FNBP1L: variants seen among roughly 807,000 people sequenced by gnomAD.
FNBP1L encodes the protein formin-binding protein 1-like.
In FNBP1L, 36 loss-of-function variants were observed where a neutral mutation model predicts 91.2. That is an observed-to-expected ratio of 0.39 (90% CI 0.30 to 0.52). The LOEUF is 0.52. Among genes scored for constraint, FNBP1L ranks in the 20% least tolerant of loss-of-function variants. FNBP1L has a pLI of 0.66. For missense variants in FNBP1L, 571 were observed against 732.1 expected (o/e 0.78, Z 2.54); for synonymous variants, 242 against 237.0 (o/e 1.02, Z -0.19).
intron 1 of FNBP1L, among the ~76,000 whole-genome samples, chr1:93,480,620 CTG>C (rs936284702): frequency 6.6e-6 from 1 of 151,314 alleles, no homozygotes; most frequent in Non-Finnish European, 1.5e-5. Flanking sequence ...GAGAGGGACT[CTG>C]TCGCCCAGGC....
At chr1:93,494,286 C>CTTAAATCTTTCCAA (rs1670193113) in intron 1 of FNBP1L, among the ~76,000 whole-genome samples, 2 of 152,170 alleles carry the variant, frequency 1.3e-5, no homozygotes, top group South Asian at 4.2e-4. Context: ...TTGGAAAGAC[C>CTTAAATCTTTCCAA]CAGGGTGCAT....
chr1:93,544,772 G>A (rs997809847), intron 12 of FNBP1L, among the ~76,000 whole-genome samples: 4 of 152,112 alleles, frequency 2.6e-5, no homozygotes, highest in African/African-American at 9.7e-5. Context: ...CGATAAAATT[G>A]GGGCTTAAAT....
At chr1:93,505,138 T>C (rs1210439911) in intron 2 of FNBP1L, among the ~76,000 whole-genome samples, 1 of 136,844 alleles carries the variant, frequency 7.3e-6, no homozygotes, top group African/African-American at 2.9e-5. Context: ...TGAGACAGAG[T>C]CTCACTCTTG....
At chr1:93,470,689 A>G (rs980868627) in intron 1 of FNBP1L, among the ~76,000 whole-genome samples, 4 of 152,074 alleles carry the variant, frequency 2.6e-5, no homozygotes, top group Non-Finnish European at 4.4e-5. Flanking sequence ...CCTGGCCAAC[A>G]TGGTGAAACC....
intron 15 of FNBP1L, 93 bp downstream of exon 15, chr1:93,549,519 A>T (rs969423472): frequency 2.4e-5 from 24 of 987,082 alleles, no homozygotes; most frequent in African/African-American, 3.3e-5. Context: ...TATTTAAGTA[A>T]TATATGTTGT....
chr1:93,511,287 T>A (rs1050683147), intron 2 of FNBP1L, among the ~76,000 whole-genome samples: 3 of 151,812 alleles, frequency 2.0e-5, no homozygotes, highest in Non-Finnish European at 1.5e-5. Context: ...CAGAAGAGAG[T>A]GGGGGACAAT....
intron 2 of FNBP1L, among the ~76,000 whole-genome samples, chr1:93,509,619 G>A (rs1436069396): frequency 9.2e-5 from 14 of 152,228 alleles, no homozygotes; most frequent in Non-Finnish European, 8.8e-5. Context: ...CAAGATGGCC[G>A]AATAGGAACA....
At chr1:93,519,318 G>T (rs940555422) in intron 2 of FNBP1L, among the ~76,000 whole-genome samples, 7 of 152,128 alleles carry the variant, frequency 4.6e-5, no homozygotes, top group Non-Finnish European at 1.0e-4. Flanking sequence ...GTTCTTAAAT[G>T]CTCTGTTTTT....
intron 2 of FNBP1L, among the ~76,000 whole-genome samples, chr1:93,517,966 G>C (rs565787767): frequency 6.6e-6 from 1 of 152,304 alleles, no homozygotes; most frequent in South Asian, 2.1e-4. Context: ...GTTGTTGTAA[G>C]CATAAGATTA....
chr1:93,457,746 T>G (rs1668716111), intron 1 of FNBP1L, among the ~76,000 whole-genome samples: 1 of 151,210 alleles, frequency 6.6e-6, no homozygotes, highest in South Asian at 2.1e-4. Flanking sequence ...CAGGAATTTA[T>G]TTTTTATTTT....
At chr1:93,498,457 G>A (rs1164125806) in intron 1 of FNBP1L, among the ~76,000 whole-genome samples, 1 of 152,198 alleles carries the variant, frequency 6.6e-6, no homozygotes, top group Non-Finnish European at 1.5e-5. Context: ...AGAATAGAGT[G>A]GTAACTTGCT....
chr1:93,476,812 A>G (rs1217758856), intron 1 of FNBP1L, among the ~76,000 whole-genome samples: 1 of 152,190 alleles, frequency 6.6e-6, no homozygotes, highest in Admixed American at 6.5e-5. Context: ...TTGTAGCCAG[A>G]GCAAAACAGA....
chr1:93,486,895 A>G (rs1250482751), intron 1 of FNBP1L, among the ~76,000 whole-genome samples: 3 of 152,064 alleles, frequency 2.0e-5, no homozygotes, highest in African/African-American at 7.2e-5. Context: ...AAATCATATT[A>G]TTTCTTTTAT....
intron 10 of FNBP1L, 49 bp downstream of exon 10, chr1:93,536,539 G>A (rs1206707784): frequency 1.4e-6 from 2 of 1,479,024 alleles, no homozygotes; most frequent in Admixed American, 4.7e-5. Flanking sequence ...TGTGTGTGTA[G>A]TGTGGCTTTT....
At chr1:93,457,351 C>G (rs1376856215) in intron 1 of FNBP1L, among the ~76,000 whole-genome samples, 3 of 152,188 alleles carry the variant, frequency 2.0e-5, no homozygotes, top group Admixed American at 2.0e-4. Flanking sequence ...ACTCATCCTT[C>G]CGTGGTTAGT....
chr1:93,527,591 T>C (rs1671532075), intron 5 of FNBP1L, among the ~76,000 whole-genome samples: 1 of 152,192 alleles, frequency 6.6e-6, no homozygotes, highest in South Asian at 2.1e-4. Flanking sequence ...TCTAATCATT[T>C]AGGGAGAAAA....
At chr1:93,459,600 G>A (rs541810625) in intron 1 of FNBP1L, among the ~76,000 whole-genome samples, 4 of 152,282 alleles carry the variant, frequency 2.6e-5, no homozygotes, top group Admixed American at 1.3e-4. Flanking sequence ...TGAAGAAAAC[G>A]GAACCCTTGT....
intron 12 of FNBP1L, among the ~76,000 whole-genome samples, chr1:93,546,188 T>C (rs1365126057): frequency 6.6e-6 from 1 of 151,960 alleles, no homozygotes; most frequent in Non-Finnish European, 1.5e-5. Context: ...TGAGGGAGAT[T>C]GTGAGAAAGC....
intron 16 of FNBP1L, chr1:93,551,373 G>T: frequency 9.2e-7 from 1 of 1,091,076 alleles, no homozygotes; most frequent in African/African-American, 1.6e-5. Context: ...GCTTAAGTCT[G>T]TGTGAAGGAT....
Sources: allele counts gnomAD v4.1 joint callset (sites outside exome capture counted in the v4.1 genomes callset), GRCh38; gene constraint gnomAD v4.1.1; transcripts MANE v1.5; gene names NCBI Gene and HGNC (gene_info 2026-07-23, HGNC 2026-07-21).